CCDC91: variants seen among roughly 807,000 people sequenced by gnomAD.
CCDC91 encodes the protein coiled-coil domain-containing protein 91.
In CCDC91, 48 loss-of-function variants were observed where a neutral mutation model predicts 63.2. The ratio of observed to expected loss-of-function variants is 0.76; its 90% CI spans 0.60 to 0.97. The LOEUF (loss-of-function observed/expected upper bound fraction) is 0.97. Ranked by LOEUF, CCDC91 falls within the 50% of genes least tolerant of loss-of-function variation. The pLI is 0.00. For missense variants in CCDC91, 500 were observed against 494.6 expected, an observed-to-expected ratio of 1.01 and a Z score of -0.10; for synonymous variants, 167 against 165.8, an observed-to-expected ratio of 1.01 and a Z score of -0.06.
At chr12:28,446,845 G>T (rs1949526017) in intron 8 of CCDC91, among the ~76,000 whole-genome samples, 1 of 152,164 alleles carries the variant, frequency 6.6e-6, no homozygotes, top group Non-Finnish European at 1.5e-5. Flanking sequence ...CAGAAAGGGA[G>T]AATGATGAAA....
chr12:28,496,963 T>C (rs1056426942), intron 12 of CCDC91, among the ~76,000 whole-genome samples: 7 of 147,174 alleles, frequency 4.8e-5, no homozygotes, highest in Non-Finnish European at 9.0e-5. Context: ...TATATATATG[T>C]AGGATTTTTT....
At chr12:28,504,230 G>GT (rs1938412009) in intron 12 of CCDC91, among the ~76,000 whole-genome samples, 3 of 151,046 alleles carry the variant, frequency 2.0e-5, no homozygotes, top group Admixed American at 2.0e-4. Flanking sequence ...TATTAAAAAA[G>GT]TTTCAAAAAA....
At chr12:28,311,086 T>A (rs1477607806) in intron 6 of CCDC91, among the ~76,000 whole-genome samples, 1 of 152,028 alleles carries the variant, frequency 6.6e-6, no homozygotes, top group Non-Finnish European at 1.5e-5. Context: ...GGGAAAAGAT[T>A]AACCATTTTG....
chr12:28,322,839 T>A (rs149510900), intron 6 of CCDC91, among the ~76,000 whole-genome samples: 1 of 151,772 alleles, frequency 6.6e-6, no homozygotes, highest in East Asian at 1.9e-4. Context: ...TTTTACCATA[T>A]CCTTGCCTAC....
chr12:28,498,123 AT>A (rs1242273812), intron 12 of CCDC91, among the ~76,000 whole-genome samples: 1 of 151,682 alleles, frequency 6.6e-6, no homozygotes, highest in Non-Finnish European at 1.5e-5. Flanking sequence ...TTTCTGCATC[AT>A]TATATAATCA....
At chr12:28,277,331 A>G (rs1409877145) in intron 3 of CCDC91, among the ~76,000 whole-genome samples, 1 of 152,000 alleles carries the variant, frequency 6.6e-6, no homozygotes, top group Non-Finnish European at 1.5e-5. Flanking sequence ...TTTGATGAGG[A>G]TAATAAATTT....
At chr12:28,284,595 G>A (rs1358035188) in intron 3 of CCDC91, among the ~76,000 whole-genome samples, 1 of 151,826 alleles carries the variant, frequency 6.6e-6, no homozygotes, top group Non-Finnish European at 1.5e-5. Flanking sequence ...GGAAATTGTG[G>A]TGAGCCGAGA....
intron 3 of CCDC91, among the ~76,000 whole-genome samples, chr12:28,267,867 ATATAATTATATATAATTAT>A (rs1425972144): frequency 8.8e-5 from 3 of 34,184 alleles, no homozygotes; most frequent in East Asian, 7.3e-4. Context: ...ATATAATTAT[ATATAATTATATATAATTAT>A]TATAATTATA....
intron 11 of CCDC91, among the ~76,000 whole-genome samples, chr12:28,474,819 G>C (rs1469305294): frequency 6.6e-6 from 1 of 151,818 alleles, no homozygotes; most frequent in Non-Finnish European, 1.5e-5. Context: ...ATAACAAACT[G>C]TCTCTCAGAC....
intron 1 of CCDC91, among the ~76,000 whole-genome samples, chr12:28,211,364 T>C (rs1434243409): frequency 1.3e-5 from 2 of 152,076 alleles, no homozygotes; most frequent in Non-Finnish European, 2.9e-5. Context: ...AATTATCTTT[T>C]TCCATTCTGG....
chr12:28,479,141 C>T (rs1029414132), intron 11 of CCDC91, among the ~76,000 whole-genome samples: 2 of 152,116 alleles, frequency 1.3e-5, no homozygotes, highest in East Asian at 1.9e-4. Flanking sequence ...GTAAATCATG[C>T]TGCTATAAAG....
chr12:28,208,374 C>T lies in CCDC91; in HGVS notation c.-15+17733C>T, dbSNP rs1942996639. 2.0e-5 allele frequency among the ~76,000 whole-genome samples: 3 copies of T among 152,212 alleles called. No individual in the cohort carries two copies. The South Asian group carries it at 6.2e-4, about 32-fold the overall frequency. Reference sequence around the variant, plus strand: ...AGACATAATAGAATTTTAGAAGTCCCATACAATTTTGGAACATATATTAAT... The same window carrying T: ...AGACATAATAGAATTTTAGAAGTCCTATACAATTTTGGAACATATATTAAT... On this transcript the variant is annotated intron_variant, in intron 1 of 12. Coordinates refer to ENST00000536442, the MANE Select transcript of CCDC91 (RefSeq NM_018318.5).
intron 6 of CCDC91, among the ~76,000 whole-genome samples, chr12:28,338,100 A>C (rs1269880657): frequency 6.6e-6 from 1 of 152,162 alleles, no homozygotes; most frequent in Non-Finnish European, 1.5e-5. Context: ...GTAGTTTCTC[A>C]GGTGGTGATG....
intron 5 of CCDC91, 23 bp downstream of exon 5, chr12:28,306,968 A>G: frequency 3.5e-6 from 5 of 1,421,336 alleles, no homozygotes; most frequent in Non-Finnish European, 4.9e-6. Flanking sequence ...TTGCCTAAGA[A>G]ATGTTTGAAT....
intron 1 of CCDC91, among the ~76,000 whole-genome samples, chr12:28,230,111 A>C (rs1565642681): frequency 6.6e-6 from 1 of 152,148 alleles, no homozygotes; most frequent in African/African-American, 2.4e-5. Flanking sequence ...ATCTCAGTGT[A>C]TTTTGGGAAT....
intron 8 of CCDC91, among the ~76,000 whole-genome samples, chr12:28,445,738 T>C (rs1949464937): frequency 6.6e-6 from 1 of 152,192 alleles, no homozygotes; most frequent in African/African-American, 2.4e-5. Flanking sequence ...AGATCAAGGT[T>C]TCTGCTGAGT....
intron 12 of CCDC91, among the ~76,000 whole-genome samples, chr12:28,501,753 A>G (rs983291130): frequency 1.6e-4 from 24 of 151,736 alleles, no homozygotes; most frequent in Middle Eastern, 3.4e-3. Flanking sequence ...CCTCTTTTCT[A>G]TTGATTGGAA....
intron 6 of CCDC91, among the ~76,000 whole-genome samples, chr12:28,309,202 G>A (rs1367193200): frequency 6.6e-6 from 1 of 151,992 alleles, no homozygotes; most frequent in East Asian, 1.9e-4. Flanking sequence ...TGTCTTTTCA[G>A]TGCCTGTGAT....
intron 12 of CCDC91, among the ~76,000 whole-genome samples, chr12:28,508,467 A>G (rs972004722): frequency 1.2e-4 from 18 of 151,730 alleles, no homozygotes; most frequent in Non-Finnish European, 2.5e-4. Flanking sequence ...GTGCTTGTCT[A>G]TTTACAGTCA....
Sources: gnomAD v4.1 joint callset for allele counts (sites outside exome capture counted in the v4.1 genomes callset) on GRCh38, gnomAD v4.1.1 for gene constraint, MANE v1.5 for transcripts, NCBI Gene and HGNC (gene_info 2026-07-23, HGNC 2026-07-21) for gene names.